RBMS3: variants seen among roughly 807,000 people sequenced by gnomAD.
RBMS3 encodes RNA-binding motif, single-stranded-interacting protein 3.
In RBMS3, 27 loss-of-function variants were observed where a neutral mutation model predicts 66.8. The ratio of observed to expected loss-of-function variants is 0.40; its 90% CI spans 0.30 to 0.56. The LOEUF (loss-of-function observed/expected upper bound fraction) is 0.56, where lower values mean the gene tolerates loss of function less well. Among genes scored for constraint, RBMS3 ranks in the 20% least tolerant of loss-of-function variants. RBMS3 has a pLI of 0.40. For missense variants in RBMS3, 513 were observed against 549.5 expected, an observed-to-expected ratio of 0.93 and a Z score of 0.66; for synonymous variants, 188 against 183.0, an observed-to-expected ratio of 1.03 and a Z score of -0.22.
chr3:29,478,643 G>T (rs537637011), intron 2 of RBMS3, among the ~76,000 whole-genome samples: 1 of 152,302 alleles, frequency 6.6e-6, no homozygotes, highest in African/African-American at 2.4e-5. Context: ...GGTTACATAT[G>T]TTGCAGATTT....
chr3:29,885,125 C>T (rs886512643), intron 8 of RBMS3, among the ~76,000 whole-genome samples: 1 of 151,818 alleles, frequency 6.6e-6, no homozygotes, highest in Admixed American at 6.6e-5. Context: ...ATTCAACAAA[C>T]ATCCAGTAAG....
At chr3:29,484,783 A>C (rs2043260797) in intron 2 of RBMS3, among the ~76,000 whole-genome samples, 2 of 152,184 alleles carry the variant, frequency 1.3e-5, no homozygotes, top group Non-Finnish European at 2.9e-5. Context: ...TCAAATGCCA[A>C]AGAATGAATG....
intron 2 of RBMS3, among the ~76,000 whole-genome samples, chr3:29,463,269 T>A (rs2042428482): frequency 6.6e-6 from 1 of 152,226 alleles, no homozygotes; most frequent in South Asian, 2.1e-4. Flanking sequence ...CTTGTACCTA[T>A]ATCAATGTAG....
intron 4 of RBMS3, among the ~76,000 whole-genome samples, chr3:29,738,327 T>C (rs1488612050): frequency 3.9e-5 from 6 of 152,206 alleles, no homozygotes; most frequent in African/African-American, 1.4e-4. Flanking sequence ...TGGCTTATCC[T>C]TGAAGCTAAG....
At chr3:29,286,914 T>C (rs1162085525) in intron 1 of RBMS3, among the ~76,000 whole-genome samples, 1 of 152,148 alleles carries the variant, frequency 6.6e-6, no homozygotes, top group African/African-American at 2.4e-5. Flanking sequence ...TTATTCAAAA[T>C]TGGCTTCAAG....
At chr3:29,666,946 T>G (rs771687239) in intron 4 of RBMS3, among the ~76,000 whole-genome samples, 1 of 152,156 alleles carries the variant, frequency 6.6e-6, no homozygotes, top group African/African-American at 2.4e-5. Context: ...AGTTCAAGGA[T>G]TATCTTGCTA....
intron 1 of RBMS3, among the ~76,000 whole-genome samples, chr3:29,374,361 G>A (rs115872160): frequency 1.3e-5 from 2 of 152,264 alleles, no homozygotes; most frequent in Admixed American, 6.5e-5. Context: ...TTTTCAAGCT[G>A]GTTTTGAAAC....
intron 10 of RBMS3, among the ~76,000 whole-genome samples, chr3:29,909,086 T>C (rs2060455371): frequency 6.6e-6 from 1 of 152,048 alleles, no homozygotes; most frequent in Non-Finnish European, 1.5e-5. Context: ...CTCAAGTTAT[T>C]TCAAAGGGGA....
intron 4 of RBMS3, among the ~76,000 whole-genome samples, chr3:29,662,060 C>A (rs1467163254): frequency 6.6e-6 from 1 of 152,162 alleles, no homozygotes; most frequent in Non-Finnish European, 1.5e-5. Context: ...ATGATCTATG[C>A]ACATTTTGTG....
chr3:29,490,065 A>G (rs1370814491), intron 3 of RBMS3, among the ~76,000 whole-genome samples: 2 of 149,364 alleles, frequency 1.3e-5, no homozygotes, highest in African/African-American at 2.5e-5. Flanking sequence ...AAAAAAAAAA[A>G]GTACCAGTGA....
At chr3:29,997,886 C>T (rs1232530521) in intron 14 of RBMS3, among the ~76,000 whole-genome samples, 2 of 152,174 alleles carry the variant, frequency 1.3e-5, no homozygotes, top group Non-Finnish European at 2.9e-5. Flanking sequence ...TCTCACCACT[C>T]CTATTCAACA....
chr3:29,395,881 T>A (rs1035399297), intron 1 of RBMS3, among the ~76,000 whole-genome samples: 4 of 152,132 alleles, frequency 2.6e-5, no homozygotes, highest in African/African-American at 9.7e-5. Context: ...ATAGGGTAAA[T>A]ATGGATGGAG....
intron 5 of RBMS3, among the ~76,000 whole-genome samples, chr3:29,746,988 A>C (rs138205805): frequency 2.0e-5 from 3 of 152,240 alleles, no homozygotes; most frequent in Admixed American, 2.0e-4. Context: ...AATGGTGGCC[A>C]TTCAGTATGC....
chr3:29,681,269 G>T (rs1195374922), intron 4 of RBMS3, among the ~76,000 whole-genome samples: 2 of 152,164 alleles, frequency 1.3e-5, no homozygotes, highest in African/African-American at 4.8e-5. Flanking sequence ...AAGCTAATCA[G>T]CTTCTTCTCC....
intron 2 of RBMS3, among the ~76,000 whole-genome samples, chr3:29,471,349 C>T (rs1401570784): frequency 1.3e-5 from 2 of 152,142 alleles, no homozygotes; most frequent in African/African-American, 4.8e-5. Flanking sequence ...TGTAGCTTTT[C>T]ATTCATTTAA....
chr3:29,418,773 T>A (rs1455582271), intron 1 of RBMS3, among the ~76,000 whole-genome samples: 1 of 152,210 alleles, frequency 6.6e-6, no homozygotes, highest in African/African-American at 2.4e-5. Context: ...TACTGATGGA[T>A]CTTAATTCAT....
At chr3:29,738,348 A>C (rs1020847686) in intron 4 of RBMS3, among the ~76,000 whole-genome samples, 2 of 152,164 alleles carry the variant, frequency 1.3e-5, no homozygotes, top group Non-Finnish European at 2.9e-5. Context: ...GTTTTTGTTT[A>C]GTTAAAATAT....
rs529054484 is a variant in RBMS3 at position 29,309,399 on chromosome 3, CAAT to C, written c.75+27646_75+27648del. 4.6e-5 allele frequency among the ~76,000 whole-genome samples: 7 copies of C among 151,748 alleles called. No individual in the cohort carries two copies. The East Asian group carries it at 1.4e-3, about 30-fold the overall frequency. On this transcript the variant is annotated intron_variant, in intron 1 of 14. Transcript: ENST00000383767. ...TTTAGATTTAATAATATTAAGAAAACAATAACACCAACAACAAACCCTTTGGGC... is the reference window on the plus strand; with the variant it reads ...TTTAGATTTAATAATATTAAGAAAACAACACCAACAACAAACCCTTTGGGC...
At chr3:29,598,925 G>A (rs1345412288) in intron 4 of RBMS3, among the ~76,000 whole-genome samples, 1 of 151,874 alleles carries the variant, frequency 6.6e-6, no homozygotes, top group African/African-American at 2.4e-5. Context: ...ATTAAGCTAA[G>A]GAGCAAAGAG....
Sources: allele counts gnomAD v4.1 joint callset (sites outside exome capture counted in the v4.1 genomes callset), GRCh38; gene constraint gnomAD v4.1.1; transcripts MANE v1.5; gene names NCBI Gene and HGNC (gene_info 2026-07-23, HGNC 2026-07-21).